The following ZSWIM4 variants were observed in gnomAD, a reference collection of about 807,000 sequenced individuals.
The protein encoded by ZSWIM4 is zinc finger SWIM-type containing 4.
Under a neutral mutation model 102.5 loss-of-function variants are expected in ZSWIM4, and 62 were observed. The ratio of observed to expected loss-of-function variants is 0.60; its 90% CI spans 0.49 to 0.75. ZSWIM4 has a LOEUF of 0.75. Ranked by LOEUF, ZSWIM4 falls within the 30% of genes least tolerant of loss-of-function variation. The pLI, the probability that ZSWIM4 is intolerant of heterozygous loss-of-function variation, is 0.00. For missense variants in ZSWIM4, 1,280 were observed against 1,529.6 expected, an observed-to-expected ratio of 0.84 and a Z score of 2.72; for synonymous variants, 652 against 674.5, an observed-to-expected ratio of 0.97 and a Z score of 0.52.
rs1465372529 is a variant in ZSWIM4 at position 13,827,601 on chromosome 19, AAAAAAAG to A, written c.2380-1039_2380-1033del. ...GAGTGAGACCCTCAAAAAAAAAAAAAAAAAAAGAAAAGAAAAAAAAAGAAACTGGGGA... is the reference window on the plus strand; with the variant it reads ...GAGTGAGACCCTCAAAAAAAAAAAAAAAAAGAAAAAAAAAGAAACTGGGGA... On this transcript the variant is annotated intron_variant, in intron 12 of 13. Transcript: ENST00000590508. 9.3e-3 allele frequency among the ~76,000 whole-genome samples: 1,398 copies of A among 150,980 alleles called. 20 individuals carry two copies. The highest frequency in any genetic ancestry group is 0.033 in the African/African-American group (1,349 of 40,878).
intron 10 of ZSWIM4, among the ~76,000 whole-genome samples, chr19:13,821,959 A>G (rs1041673688): frequency 4.0e-5 from 6 of 151,894 alleles, no homozygotes; most frequent in African/African-American, 1.2e-4. Flanking sequence ...GATGGTCTCA[A>G]TCTCCTGACC....
At position 13,825,826 on chromosome 19, in the gene ZSWIM4, G is replaced by T; in HGVS notation, c.2379+113G>T. 1 of 1,358,478 alleles carries T rather than the reference G, an allele frequency of 7.4e-7. No homozygotes were observed. Among genetic ancestry groups the T allele is most frequent in the Non-Finnish European group, 9.8e-7 (1 of 1,017,386 alleles). The allele number at this position is 1,358,478 out of a possible 1,614,324, so 84.2% of individuals were successfully genotyped here. ...GTGTGAGCCACTTCGCTGGGGGCCC[G>T]GCATTTGCGTGAGCTATTCCTCTGT... On this transcript the variant is annotated intron_variant, in intron 12 of 13. Coordinates refer to ENST00000590508, the MANE Select transcript of ZSWIM4 (RefSeq NM_001367834.3). The surrounding 1 kb of genome is among the most constrained non-coding windows in gnomAD (Gnocchi z 4.6).
chr19:13,817,194 AG>A, intron 7 of ZSWIM4, 21 bp from the exon 8 acceptor site: 1 of 1,601,000 alleles, frequency 6.2e-7, no homozygotes, highest in Non-Finnish European at 8.5e-7. Context: ...GTGGGCATTG[AG>A]CCCCCTCTTT....
Position 13,817,301 on chromosome 19 carries a change from G to T in ZSWIM4, c.1617G>T (p.Arg539Ser), listed in dbSNP as rs1356941116. 6.2e-7 allele frequency: 1 copy of T among 1,614,024 alleles called. No homozygotes were observed. Among genetic ancestry groups the T allele is most frequent in the East Asian group, 2.2e-5 (1 of 44,862 alleles). Residue 539 changes from arginine to serine, a missense_variant, in exon 8 of 14, where the codon AGG becomes AGT. Transcript: ENST00000590508. ...TGGACCCCATTGGCTGCCTCTGCAGGGCGCTCCTGGAGGCCTGTCGTCTGG... is the reference window on the plus strand; with the variant it reads ...TGGACCCCATTGGCTGCCTCTGCAGTGCGCTCCTGGAGGCCTGTCGTCTGG... ...HPLDPIGCLC[R>S]ALLEACRLEE...
rs138476824 is a variant in ZSWIM4, at chr19:13,806,528, C to T, written c.712+1380C>T. 1.0e-2 allele frequency among the ~76,000 whole-genome samples: 1,518 copies of T among 152,070 alleles called. 21 individuals are homozygous for T. Among genetic ancestry groups the T allele is most frequent in the African/African-American group, 0.035 (1,462 of 41,484 alleles). ...CAAAAAATAAACAAAAGTAGTTGGG[C>T]ATGATGGCACACACACGCCTGTAGA... On this transcript the variant is annotated intron_variant, in intron 3 of 13. Transcript: ENST00000590508.
At chr19:13,824,025 A>T (rs1367552828) in intron 11 of ZSWIM4, among the ~76,000 whole-genome samples, 1 of 150,516 alleles carries the variant, frequency 6.6e-6, no homozygotes, top group East Asian at 2.0e-4. Flanking sequence ...GGGGGAGTGA[A>T]GTGGGGAGTA....
In ZSWIM4 at chr19:13,831,493, C is replaced by G. The variant is rs994982409; in HGVS notation, c.*443C>G. ...CCCCACCCCCTACTGCTCAGGGCCC[C>G]CCATTATGCCACCTCCAAAGTGGCT... is the stretch of plus-strand genomic sequence containing the variant. On this transcript the variant is annotated 3_prime_UTR_variant, in exon 14 of 14. Transcript: ENST00000590508. 1.9e-5 allele frequency: 3 copies of G among 155,076 alleles called. No individual in the cohort carries two copies. The highest frequency in any genetic ancestry group is 7.3e-5 in the African/African-American group (3 of 40,938). The allele number at this position is 155,076 out of a possible 1,614,324, so 9.6% of individuals were successfully genotyped here.
At chr19:13,802,258 G>A (rs1394843603) in intron 2 of ZSWIM4, among the ~76,000 whole-genome samples, 3 of 148,786 alleles carry the variant, frequency 2.0e-5, no homozygotes, top group African/African-American at 5.0e-5. Context: ...TTACAGGCAT[G>A]AGCCACCACG....
chr19:13,804,685 G>T, intron 2 of ZSWIM4, 107 bp from the exon 3 acceptor site: 1 of 841,536 alleles, frequency 1.2e-6, no homozygotes, highest in East Asian at 2.5e-5. Context: ...GGTGACTTGT[G>T]CTAGTGAAGT....
At chr19:13,801,761 T>A (rs1974776445) in intron 2 of ZSWIM4, among the ~76,000 whole-genome samples, 1 of 147,860 alleles carries the variant, frequency 6.8e-6, no homozygotes, top group Non-Finnish European at 1.5e-5. Context: ...AACCTCCACC[T>A]CCCAGGTTCA....
rs1197518992 is a variant in ZSWIM4 at position 13,814,448 on chromosome 19, A to T, written c.1181-67A>T. 3.2e-6 allele frequency: 3 copies of T among 933,658 alleles called. No homozygotes were observed. The East Asian group carries it at 2.7e-4, about 85-fold the overall frequency. 57.8% of individuals were successfully genotyped at this position (933,658 alleles called of 1,614,324 possible). On this transcript the variant is annotated intron_variant, in intron 6 of 13. Coordinates refer to ENST00000590508, the MANE Select transcript of ZSWIM4 (RefSeq NM_001367834.3). Reference sequence around the variant, plus strand: ...ACCCCAGTTAGTACTTGGTGGGAAAAGCTGGACACGGCTCAACTGCTATAG... The same window carrying T: ...ACCCCAGTTAGTACTTGGTGGGAAATGCTGGACACGGCTCAACTGCTATAG...
In ZSWIM4 at chr19:13,820,776, C is replaced by G. The variant is rs144548283; in HGVS notation, c.2060+1284C>G. Reference sequence around the variant, plus strand: ...TACATCCTGTATCTATTCTTTGCACCTTTTTCTCACTGAGCTTTGCATCTT... The same window carrying G: ...TACATCCTGTATCTATTCTTTGCACGTTTTTCTCACTGAGCTTTGCATCTT... On this transcript the variant is annotated intron_variant, in intron 10 of 13. Coordinates refer to ENST00000590508, the MANE Select transcript of ZSWIM4 (RefSeq NM_001367834.3). 7.9e-3 allele frequency among the ~76,000 whole-genome samples: 1,202 copies of G among 152,190 alleles called. 17 individuals are homozygous for G. Among genetic ancestry groups the G allele is most frequent in the African/African-American group, 0.028 (1,160 of 41,514 alleles).
rs1314243218 is a variant in ZSWIM4, at chr19:13,831,812, A to G, written c.*762A>G. 1 of 152,302 alleles carries G rather than the reference A, an allele frequency of 6.6e-6. No individual in the cohort carries two copies. The highest frequency in any genetic ancestry group is 1.5e-5 in the Non-Finnish European group (1 of 68,040). The allele number at this position is 152,302 out of a possible 1,614,324, so 9.4% of individuals were successfully genotyped here. ...CCCCCACCCCCGATCTGGAAAGGAA[A>G]GAGACCTGTATCTTGGTGTTTTTCT... On this transcript the variant is annotated 3_prime_UTR_variant, in exon 14 of 14. Transcript: ENST00000590508.
intron 5 of ZSWIM4, among the ~76,000 whole-genome samples, chr19:13,811,549 G>A (rs1053219591): frequency 5.3e-5 from 8 of 151,880 alleles, no homozygotes; most frequent in Admixed American, 2.0e-4. Context: ...AAAAAAAGGC[G>A]CTTGGCACAG....
Position 13,830,842 on chromosome 19 carries a change from C to G in ZSWIM4, c.3113C>G (p.Thr1038Ser). 6.2e-7 allele frequency: 1 copy of G among 1,612,018 alleles called. No homozygotes were observed. The highest frequency in any genetic ancestry group is 1.3e-5 in the African/African-American group (1 of 75,016). The change falls in exon 14 of 14, where the codon ACC (threonine) becomes AGC (serine). Residue 1038 changes from threonine (T) to serine (S), a missense_variant. Thr to Ser is a moderately conservative substitution (Grantham distance 58). Coordinates refer to ENST00000590508, the MANE Select transcript of ZSWIM4 (RefSeq NM_001367834.3). ...TGCCAGCTCCTGGACGCGGCAGTCA[C>G]CGCCTACATCACCACCAGCCACTCG... ...PLCQLLDAAV[T>S]AYITTSHSRL...
At position 13,817,362 on chromosome 19, in the gene ZSWIM4, A is replaced by G. The variant is rs200396785; in HGVS notation, c.1669+9A>G. ...ACTTACCCTTTACCCAGGTACTCAC[A>G]TGGGGTACTCTTGGAGGAGGTGGGA... On this transcript the variant is annotated intron_variant, in intron 8 of 13. Transcript: ENST00000590508. 3 of 1,610,722 alleles carry G rather than the reference A, an allele frequency of 1.9e-6. No homozygotes were observed. The highest frequency in any genetic ancestry group is 1.7e-5 in the Admixed American group (1 of 59,732).
intron 2 of ZSWIM4, among the ~76,000 whole-genome samples, chr19:13,803,807 A>G (rs1360560095): frequency 2.1e-5 from 1 of 47,082 alleles, no homozygotes; most frequent in Non-Finnish European, 3.5e-5. Flanking sequence ...TCTGTCTCAG[A>G]AAAAAAAAAA....
Position 13,808,916 on chromosome 19 carries a change from G to T in ZSWIM4, c.793G>T (p.Val265Leu). Reference protein sequence around the residue: ...HLDEEQIQEQVKQLLSNGGYY... With the variant: ...HLDEEQIQEQLKQLLSNGGYY... ...GGACGAGGAGCAGATCCAGGAGCAG[G>T]TGAAGCAGCTACTGTCCAATGGCGG... is the stretch of plus-strand genomic sequence containing the variant. The change falls in exon 4 of 14, where the codon GTG becomes TTG. Residue 265 changes from valine to leucine, a missense_variant. Transcript: ENST00000590508. 1 of 1,612,032 alleles carries T rather than the reference G, an allele frequency of 6.2e-7. No homozygotes were observed. The highest frequency in any genetic ancestry group is 8.5e-7 in the Non-Finnish European group (1 of 1,179,278).
chr19:13,830,378 C>T lies in ZSWIM4; in HGVS notation c.2649C>T (p.Asp883=), dbSNP rs764836985. ...TGGCCTTGCAGTGCGCGATGAAGGA[C>T]CCTCAGAACTGCGCCTTGCCTGCCC... is the stretch of plus-strand genomic sequence containing the variant. ...RTLALQCAMK[D]PQNCALPALT... The change falls in exon 14 of 14, where the codon GAC becomes GAT. Residue 883 remains aspartate (D), a synonymous_variant. Coordinates refer to ENST00000590508, the MANE Select transcript of ZSWIM4 (RefSeq NM_001367834.3). 7 of 1,612,844 alleles carry T rather than the reference C, an allele frequency of 4.3e-6. No individual in the cohort carries two copies. Among genetic ancestry groups the T allele is most frequent in the Non-Finnish European group, 5.9e-6 (7 of 1,179,992 alleles).
Sources: allele counts gnomAD v4.1 joint callset (sites outside exome capture counted in the v4.1 genomes callset), GRCh38; gene constraint gnomAD v4.1.1; non-coding constraint Gnocchi (gnomAD v3.1); transcripts MANE v1.5; gene names NCBI Gene and HGNC (gene_info 2026-07-23, HGNC 2026-07-21).